The following POGLUT3 variants were observed in gnomAD, a reference collection of about 807,000 sequenced individuals.
POGLUT3 encodes the protein protein O-glucosyltransferase 3, also known as KDEL (Lys-Asp-Glu-Leu) containing 2.
A neutral mutation model predicts 54.3 loss-of-function variants in POGLUT3; 48 were observed. That is an observed-to-expected ratio of 0.88 (90% CI 0.70 to 1.12). POGLUT3 has a LOEUF of 1.12. POGLUT3 is among the 50% of genes most tolerant of loss of function. The pLI, the probability that POGLUT3 is intolerant of heterozygous loss-of-function variation, is 0.00. For synonymous variants in POGLUT3, 218 were observed against 237.4 expected (o/e 0.92, Z 0.75); for missense variants, 629 against 618.7 (o/e 1.02, Z -0.18).
chr11:108,476,803 T>C (rs944023908), intron 7 of POGLUT3, among the ~76,000 whole-genome samples: 27 of 152,176 alleles, frequency 1.8e-4, no homozygotes, highest in African/African-American at 6.5e-4. Flanking sequence ...TTCTCATTAG[T>C]TTGTTTGCTA....
At position 108,472,675 on chromosome 11, in the gene POGLUT3, A is replaced by T. The variant is rs1442093832; in HGVS notation, c.*2152T>A. 1 of 152,214 alleles carries T rather than the reference A, an allele frequency of 6.6e-6. No individual in the cohort carries two copies. Among genetic ancestry groups the T allele is most frequent in the Non-Finnish European group, 1.5e-5 (1 of 68,052 alleles). The allele number at this position is 152,214 out of a possible 1,614,324, so 9.4% of individuals were successfully genotyped here. Reference sequence around the variant, plus strand: ...GGCAATATAAATTTTTAAAAATGTAAGATGTTTAAAATGCCATTAGCCTTT... The same window carrying T: ...GGCAATATAAATTTTTAAAAATGTATGATGTTTAAAATGCCATTAGCCTTT... On this transcript the variant is annotated 3_prime_UTR_variant, in exon 8 of 8. Coordinates refer to ENST00000323468, the MANE Select transcript of POGLUT3 (RefSeq NM_153705.5).
intron 7 of POGLUT3, among the ~76,000 whole-genome samples, chr11:108,475,499 C>T (rs2093580068): frequency 8.3e-6 from 1 of 119,964 alleles, no homozygotes; most frequent in African/African-American, 3.3e-5. Flanking sequence ...CACGGTCTTA[C>T]TCTGTCACTG....
chr11:108,488,079 A>T (rs2093606979), intron 2 of POGLUT3, among the ~76,000 whole-genome samples: 1 of 151,834 alleles, frequency 6.6e-6, no homozygotes, highest in South Asian at 2.1e-4. Context: ...GCTGGAGTGC[A>T]GTGGTGTGAT....
intron 2 of POGLUT3, 151 bp downstream of exon 2, chr11:108,490,819 C>T: frequency 7.2e-6 from 4 of 552,476 alleles, no homozygotes; most frequent in South Asian, 3.1e-5. Flanking sequence ...ACTTAATTTT[C>T]TTTCCCTTAA....
At chr11:108,485,155 A>C (rs1165149854) in intron 3 of POGLUT3, among the ~76,000 whole-genome samples, 4 of 152,134 alleles carry the variant, frequency 2.6e-5, no homozygotes, top group Non-Finnish European at 5.9e-5. Context: ...GAAAAAAAAA[A>C]CAACCTGTTT....
chr11:108,479,846 T>C (rs2093589335), intron 5 of POGLUT3, among the ~76,000 whole-genome samples: 1 of 152,116 alleles, frequency 6.6e-6, no homozygotes, highest in Admixed American at 6.5e-5. Flanking sequence ...TTATTATTAT[T>C]TTTTTGAGAC....
At chr11:108,485,322 C>T (rs866317647) in intron 3 of POGLUT3, among the ~76,000 whole-genome samples, 2 of 152,182 alleles carry the variant, frequency 1.3e-5, no homozygotes, top group Admixed American at 6.5e-5. Context: ...TAGTATTCAG[C>T]GGAACAGAGA....
At position 108,482,149 on chromosome 11, in the gene POGLUT3, G is replaced by T; in HGVS notation, c.758C>A (p.Thr253Asn). Residue 253 changes from threonine to asparagine, a missense_variant, in exon 4 of 8, where the codon ACC (threonine) becomes AAC (asparagine). Coordinates refer to ENST00000323468, the MANE Select transcript of POGLUT3 (RefSeq NM_153705.5). ...WPLEHRKVNG[T>N]PSPIPIISWC... ...TGAAATGATAGGTATGGGGCTAGGG[G>T]TTCCATTGACTTTTCGATGCTCCAA... is the stretch of plus-strand genomic sequence containing the variant. The T allele has an allele frequency of 6.2e-7, 1 of 1,614,022 alleles. No homozygotes were observed.
chr11:108,487,768 T>A (rs1187535522), intron 2 of POGLUT3, among the ~76,000 whole-genome samples: 1 of 149,910 alleles, frequency 6.7e-6, no homozygotes, highest in Admixed American at 6.7e-5. Context: ...TGCACCACCA[T>A]GTTTGGCTAA....
At chr11:108,495,178 C>T (rs749090302) in intron 1 of POGLUT3, among the ~76,000 whole-genome samples, 40 of 152,320 alleles carry the variant, frequency 2.6e-4, no homozygotes, top group Non-Finnish European at 5.3e-4. Context: ...CAGGCTACAG[C>T]TTGAGAAGAT....
chr11:108,498,312 C>T lies in POGLUT3; in HGVS notation c.55G>A (p.Ala19Thr). The change falls in exon 1 of 8, where the codon GCC becomes ACC. Residue 19 changes from alanine to threonine, a missense_variant. By Grantham distance (58) the Ala-to-Thr change is moderately conservative. Transcript: ENST00000323468. ...LLQLRLALLV[A>T]AGAPEVLVSA... ...ACCAGCACCTCCGGGGCCCCCGCGG[C>T]CACCAGCAGGGCGAGGCGCAGCTGC... is the stretch of plus-strand genomic sequence containing the variant. The T allele has an allele frequency of 6.9e-7, 1 of 1,445,502 alleles. No homozygotes were observed. Among genetic ancestry groups the T allele is most frequent in the Non-Finnish European group, 9.1e-7 (1 of 1,096,024 alleles). 89.5% of individuals were successfully genotyped at this position (1,445,502 alleles called of 1,614,324 possible).
chr11:108,475,629 A>G (rs2093580324), intron 7 of POGLUT3, among the ~76,000 whole-genome samples: 1 of 151,730 alleles, frequency 6.6e-6, no homozygotes, highest in Admixed American at 6.6e-5. Context: ...CACCATGCCC[A>G]GCTAATTTTT....
intron 1 of POGLUT3, among the ~76,000 whole-genome samples, chr11:108,492,693 G>A (rs1469511791): frequency 6.6e-6 from 1 of 151,920 alleles, no homozygotes; most frequent in African/African-American, 2.4e-5. Flanking sequence ...TAATAATCGA[G>A]TACCAAACAT....
intron 3 of POGLUT3, among the ~76,000 whole-genome samples, chr11:108,482,547 GA>G (rs1243068276): frequency 9.2e-5 from 14 of 152,096 alleles, no homozygotes; most frequent in Non-Finnish European, 1.5e-4. Context: ...AGGAGTTCAA[GA>G]CCAGTCTGGC....
rs963405905 is a variant in POGLUT3, at chr11:108,474,081, A to C, written c.*746T>G. ...GACGGGGGGCGGGGGGACAACCCTG[A>C]ACAAATATTTTCTCTTCATAATTGG... On this transcript the variant is annotated 3_prime_UTR_variant, in exon 8 of 8. Transcript: ENST00000323468. 1 of 152,300 alleles carries C rather than the reference A, an allele frequency of 6.6e-6. No homozygotes were observed. The highest frequency in any genetic ancestry group is 2.4e-5 in the African/African-American group (1 of 41,556). 9.4% of individuals were successfully genotyped at this position (152,300 alleles called of 1,614,324 possible). A position where few individuals can be genotyped will look rare whatever the true frequency, so the allele number is the denominator to read the frequency against.
chr11:108,475,509 G>A (rs1018629210), intron 7 of POGLUT3, among the ~76,000 whole-genome samples: 10 of 130,134 alleles, frequency 7.7e-5, no homozygotes, highest in Admixed American at 2.0e-4. Flanking sequence ...CTCTGTCACT[G>A]AGGCTGGAGT....
At chr11:108,488,819 G>A (rs1159780227) in intron 2 of POGLUT3, among the ~76,000 whole-genome samples, 1 of 152,114 alleles carries the variant, frequency 6.6e-6, no homozygotes, top group Non-Finnish European at 1.5e-5. Context: ...TCTTGGGGAA[G>A]ACAGGGGAAG....
At chr11:108,494,700 G>C (rs2093619116) in intron 1 of POGLUT3, among the ~76,000 whole-genome samples, 1 of 152,150 alleles carries the variant, frequency 6.6e-6, no homozygotes, top group Non-Finnish European at 1.5e-5. Flanking sequence ...ACAGCCAGGA[G>C]GTAAGATTAT....
intron 3 of POGLUT3, among the ~76,000 whole-genome samples, chr11:108,485,640 A>T (rs1413993611): frequency 1.5e-5 from 2 of 133,582 alleles, no homozygotes; most frequent in African/African-American, 3.1e-5. Context: ...ATTCTATTTT[A>T]TTTATTTATT....
Sources: gnomAD v4.1 joint callset for allele counts (sites outside exome capture counted in the v4.1 genomes callset) on GRCh38, gnomAD v4.1.1 for gene constraint, MANE v1.5 for transcripts, NCBI Gene and HGNC (gene_info 2026-07-23, HGNC 2026-07-21) for gene names.